Variants in SNX2 observed in about 807,000 individuals in gnomAD.
SNX2 encodes sorting nexin-2.
Under a neutral mutation model 69.9 loss-of-function variants are expected in SNX2, and 25 were observed. That is an observed-to-expected ratio of 0.36 (90% confidence interval 0.26 to 0.50). The LOEUF is 0.50. Among genes scored for constraint, SNX2 ranks in the 20% least tolerant of loss-of-function variants. The probability of loss-of-function intolerance (pLI) is 0.97; values close to 1 mark genes in which losing one functional copy is unlikely to be tolerated. For synonymous variants in SNX2, 229 were observed against 200.4 expected (o/e 1.14, Z -1.20); for missense variants, 551 against 613.3 (o/e 0.90, Z 1.07).
intron 1 of SNX2, among the ~76,000 whole-genome samples, chr5:122,779,948 T>G (rs1481917397): frequency 6.6e-6 from 1 of 152,130 alleles, no homozygotes; most frequent in Non-Finnish European, 1.5e-5. Flanking sequence ...TTAAACAGTC[T>G]GAGGTTAAAG....
intron 2 of SNX2, among the ~76,000 whole-genome samples, chr5:122,798,811 TC>T (rs1446248178): frequency 1.3e-5 from 2 of 152,200 alleles, no homozygotes; most frequent in Non-Finnish European, 2.9e-5. Flanking sequence ...TGTAAACTGT[TC>T]CTGATTTTTG....
chr5:122,795,439 AG>A, intron 2 of SNX2, 56 bp downstream of exon 2: 4 of 1,180,668 alleles, frequency 3.4e-6, no homozygotes, highest in Non-Finnish European at 5.0e-6. Flanking sequence ...ATTTTCTATT[AG>A]ATAGAAAATA....
chr5:122,812,702 C>T (rs1431450482), intron 7 of SNX2, among the ~76,000 whole-genome samples: 2 of 152,166 alleles, frequency 1.3e-5, no homozygotes, highest in Non-Finnish European at 2.9e-5. Context: ...GTAAGCTTCA[C>T]CAGGGAAAGA....
chr5:122,792,446 A>C (rs1463585424), intron 1 of SNX2, among the ~76,000 whole-genome samples: 1 of 152,122 alleles, frequency 6.6e-6, no homozygotes, highest in African/African-American at 2.4e-5. Context: ...ATACAAAAAA[A>C]ATTAGCTGGG....
chr5:122,794,336 C>A (rs1050340062), intron 1 of SNX2, among the ~76,000 whole-genome samples: 2 of 150,308 alleles, frequency 1.3e-5, no homozygotes, highest in Non-Finnish European at 3.0e-5. Context: ...ACAAAAAAAA[C>A]AAGAATAGTC....
intron 1 of SNX2, among the ~76,000 whole-genome samples, chr5:122,793,916 CAAAA>C (rs72484099): frequency 2.0e-5 from 2 of 100,940 alleles, no homozygotes; most frequent in Non-Finnish European, 4.3e-5. Context: ...TCTGTCCCCC[CAAAA>C]AAAAAAAAAA....
At chr5:122,789,207 A>G (rs777194855) in intron 1 of SNX2, among the ~76,000 whole-genome samples, 24 of 152,180 alleles carry the variant, frequency 1.6e-4, no homozygotes, top group Non-Finnish European at 2.8e-4. Flanking sequence ...TCATGCAGGC[A>G]CCACTCAGGT....
At chr5:122,788,596 A>G (rs1360034889) in intron 1 of SNX2, among the ~76,000 whole-genome samples, 7 of 152,086 alleles carry the variant, frequency 4.6e-5, no homozygotes, top group Middle Eastern at 3.2e-3. Flanking sequence ...GATATTTTCT[A>G]TGGATTTATT....
chr5:122,812,048 C>T (rs1005297353), intron 7 of SNX2, among the ~76,000 whole-genome samples: 12 of 152,130 alleles, frequency 7.9e-5, no homozygotes, highest in African/African-American at 2.7e-4. Context: ...AACCTTTTCT[C>T]ACCAGTCTAC....
intron 3 of SNX2, among the ~76,000 whole-genome samples, 180 bp from the exon 4 acceptor site, chr5:122,801,684 TGTGTG>T (rs1753517562): frequency 6.6e-6 from 1 of 151,146 alleles, no homozygotes; most frequent in Admixed American, 6.6e-5. Context: ...TGTGTGTGTG[TGTGTG>T]TTTTATTTAT....
chr5:122,793,969 A>G (rs548393079), intron 1 of SNX2, among the ~76,000 whole-genome samples: 31 of 151,930 alleles, frequency 2.0e-4, no homozygotes, highest in Admixed American at 1.8e-3. Context: ...AAACCATAAT[A>G]AAGATAAAAG....
chr5:122,806,818 T>G (rs1753669059), intron 6 of SNX2, among the ~76,000 whole-genome samples: 1 of 152,262 alleles, frequency 6.6e-6, no homozygotes, highest in East Asian at 1.9e-4. Context: ...TTATTTTCCT[T>G]TTGAAGCCAT....
At chr5:122,806,169 G>A (rs66635808) in intron 6 of SNX2, among the ~76,000 whole-genome samples, 120 of 137,270 alleles carry the variant, frequency 8.7e-4, no homozygotes, top group Non-Finnish European at 1.1e-3. Flanking sequence ...CACACACACA[G>A]CCCACCATTC....
At chr5:122,775,059 C>A (rs1046447458), upstream of SNX2, 1 of 1,539,158 alleles carries the variant, frequency 6.5e-7, no homozygotes. Context: ...GCTCACGTGA[C>A]GGGTCCGCGA....
intron 11 of SNX2, among the ~76,000 whole-genome samples, chr5:122,823,054 G>T (rs1272089803): frequency 6.6e-6 from 1 of 152,146 alleles, no homozygotes; most frequent in Non-Finnish European, 1.5e-5. Flanking sequence ...CAAAAAAACT[G>T]TTAGACATCT....
intron 6 of SNX2, among the ~76,000 whole-genome samples, chr5:122,804,055 C>T (rs1753576171): frequency 6.6e-6 from 1 of 151,972 alleles, no homozygotes; most frequent in South Asian, 2.1e-4. Context: ...AGGAGAATCA[C>T]TTGAACTCAG....
intron 7 of SNX2, 106 bp downstream of exon 7, chr5:122,808,461 A>G: frequency 1.3e-6 from 1 of 758,060 alleles, no homozygotes; most frequent in South Asian, 2.3e-5. Flanking sequence ...TTTTTTCCAA[A>G]GTACCACTTG....
intron 1 of SNX2, among the ~76,000 whole-genome samples, chr5:122,790,199 A>G (rs984462144): frequency 3.3e-5 from 5 of 151,982 alleles, no homozygotes; most frequent in Admixed American, 6.6e-5. Context: ...GCTCACTGCA[A>G]CCTCCGCCTC....
intron 1 of SNX2, 65 bp from the exon 2 acceptor site, chr5:122,795,201 A>G (rs1379475263): frequency 1.0e-6 from 1 of 994,450 alleles, no homozygotes; most frequent in East Asian, 2.4e-5. Flanking sequence ...TCTGTAGTAC[A>G]TGGTGACAGA....
Sources: allele counts gnomAD v4.1 joint callset (sites outside exome capture counted in the v4.1 genomes callset), GRCh38; gene constraint gnomAD v4.1.1; transcripts MANE v1.5; gene names NCBI Gene and HGNC (gene_info 2026-07-23, HGNC 2026-07-21).